DLD: variants seen among roughly 807,000 people sequenced by gnomAD.
DLD encodes the protein dihydrolipoamide dehydrogenase.
In DLD, 36 loss-of-function variants were observed where a neutral mutation model predicts 62.2. That is an observed-to-expected ratio of 0.58 (90% confidence interval 0.44 to 0.76). The LOEUF (loss-of-function observed/expected upper bound fraction) is 0.76, where lower values mean the gene tolerates loss of function less well. Among genes scored for constraint, DLD ranks in the 30% least tolerant of loss-of-function variants. DLD has a pLI of 0.00. For synonymous variants in DLD, 204 were observed against 199.6 expected, an observed-to-expected ratio of 1.02 and a Z score of -0.19; for missense variants, 541 against 608.6, an observed-to-expected ratio of 0.89 and a Z score of 1.17.
intron 2 of DLD, 173 bp downstream of exon 2, chr7:107,893,451 C>G (rs1020204583): frequency 4.2e-6 from 2 of 475,820 alleles, no homozygotes; most frequent in East Asian, 3.4e-5. Context: ...AGGCGGTGAA[C>G]AAGGTAAAAA....
intron 2 of DLD, among the ~76,000 whole-genome samples, chr7:107,899,541 C>T (rs1367088658): frequency 6.6e-6 from 1 of 151,746 alleles, no homozygotes; most frequent in Non-Finnish European, 1.5e-5. Context: ...TGTTACATAT[C>T]AGTGATTAAA....
intron 1 of DLD, among the ~76,000 whole-genome samples, chr7:107,891,962 G>A (rs1376055973): frequency 6.6e-6 from 1 of 152,192 alleles, no homozygotes; most frequent in Non-Finnish European, 1.5e-5. Context: ...CTATGTTAGT[G>A]GAGACCTTAA....
At chr7:107,918,422 A>G (rs928283741) in intron 12 of DLD, among the ~76,000 whole-genome samples, 3 of 152,132 alleles carry the variant, frequency 2.0e-5, no homozygotes, top group African/African-American at 7.2e-5. Flanking sequence ...CATTAATGCC[A>G]TGTCACATGG....
chr7:107,917,916 T>C lies in DLD; in HGVS notation c.1237-8T>C, dbSNP rs1381848232. ...GTTACGTAGATTCTTTTTTTCTGAC[T>C]GTCACAGGGTATTGAGTACAAAGTT... On this transcript the variant is annotated splice_polypyrimidine_tract_variant and splice_region_variant and intron_variant, in intron 11 of 13. Coordinates refer to ENST00000205402, the MANE Select transcript of DLD (RefSeq NM_000108.5). 6.2e-7 allele frequency: 1 copy of C among 1,613,896 alleles called. No individual in the cohort carries two copies. Among genetic ancestry groups the C allele is most frequent in the African/African-American group, 1.3e-5 (1 of 74,922 alleles).
intron 2 of DLD, among the ~76,000 whole-genome samples, chr7:107,894,393 A>T (rs531450382): frequency 2.0e-4 from 30 of 152,302 alleles, no homozygotes; most frequent in African/African-American, 6.5e-4. Context: ...ATCATTTTGG[A>T]TATTTTATTT....
rs138398782 is a variant in DLD at position 107,903,531 on chromosome 7, A to G, written c.321A>G (p.Ala107=). The G allele has an allele frequency of 4.5e-4, 716 of 1,593,414 alleles. No homozygotes were observed. Among genetic ancestry groups the G allele is most frequent in the Non-Finnish European group, 5.6e-4 (655 of 1,161,916 alleles). Reference sequence around the variant, plus strand: ...ATATGGCCCATGGAAAAGATTTTGCATCTAGAGGAATTGAAAGTAAGTATA... The same window carrying G: ...ATATGGCCCATGGAAAAGATTTTGCGTCTAGAGGAATTGAAAGTAAGTATA... ...YYHMAHGKDF[A]SRGIEMSEVR... Residue 107 remains alanine, a synonymous_variant, in exon 5 of 14, where the codon GCA becomes GCG. Coordinates refer to ENST00000205402, the MANE Select transcript of DLD (RefSeq NM_000108.5).
intron 2 of DLD, among the ~76,000 whole-genome samples, chr7:107,895,634 A>G (rs748524939): frequency 6.6e-6 from 1 of 152,246 alleles, no homozygotes; most frequent in African/African-American, 2.4e-5. Flanking sequence ...GCTTTTATAG[A>G]GCTTACAATT....
chr7:107,910,107 G>A (rs896597729), intron 8 of DLD, among the ~76,000 whole-genome samples: 2 of 151,854 alleles, frequency 1.3e-5, no homozygotes, highest in East Asian at 1.9e-4. Flanking sequence ...CGTCTGCCTC[G>A]GCCTCCCAAA....
chr7:107,905,252 G>A, intron 6 of DLD, 109 bp from the exon 7 acceptor site: 1 of 1,212,516 alleles, frequency 8.2e-7, no homozygotes, highest in Admixed American at 2.0e-5. Flanking sequence ...TACTAAGTAA[G>A]GAAGCATTTT....
At position 107,906,316 on chromosome 7, in the gene DLD, A is replaced by G. The variant is rs2032005786; in HGVS notation, c.632A>G (p.Lys211Arg). The G allele has an allele frequency of 6.2e-7, 1 of 1,611,202 alleles. No homozygotes were observed. Among genetic ancestry groups the G allele is most frequent in the Non-Finnish European group, 8.5e-7 (1 of 1,177,422 alleles). Residue 211 changes from lysine to arginine, a missense_variant, in exon 8 of 14, where the codon AAA becomes AGA. Coordinates refer to ENST00000205402, the MANE Select transcript of DLD (RefSeq NM_000108.5). Reference protein sequence around the residue: ...VSSTGALSLKKVPEKMVVIGA... With the variant: ...VSSTGALSLKRVPEKMVVIGA... ...TCTACAGGTGCTTTATCTTTAAAAA[A>G]AGTTCCAGAAAAGATGGTTGTTATT...
At chr7:107,891,408 C>A in intron 1 of DLD, 119 bp downstream of exon 1, 1 of 1,130,198 alleles carries the variant, frequency 8.8e-7, no homozygotes, top group Non-Finnish European at 1.3e-6. Flanking sequence ...GGCCGCACCA[C>A]CCCTGGCCCC....
rs1350820266 is a variant in DLD at position 107,919,582 on chromosome 7, A to T, written c.*323A>T. ...AATTTAAATAGCTTTTTTCTCTGAT[A>T]CAGAAAAGTTGAATTTTACATGGCT... On this transcript the variant is annotated 3_prime_UTR_variant, in exon 14 of 14. Transcript: ENST00000205402. 4.5e-6 allele frequency: 1 copy of T among 223,634 alleles called. No homozygotes were observed. The highest frequency in any genetic ancestry group is 8.8e-6 in the Non-Finnish European group (1 of 113,108). The allele number at this position is 223,634 out of a possible 1,614,324, so 13.9% of individuals were successfully genotyped here.
intron 8 of DLD, 57 bp from the exon 9 acceptor site, chr7:107,915,448 CG>C: frequency 6.5e-7 from 1 of 1,538,932 alleles, no homozygotes; most frequent in Non-Finnish European, 9.0e-7. Flanking sequence ...AAGATGATTT[CG>C]TAAACATTTG....
rs188021088 is a variant in DLD at position 107,920,314 on chromosome 7, A to G, written c.*1055A>G. ...AGTAACAAAGTACTAAATGCTAAGT[A>G]GGCTTTTGCATATTGTAACTAAATT... On this transcript the variant is annotated 3_prime_UTR_variant, in exon 14 of 14. Transcript: ENST00000205402. 23 of 152,478 alleles carry G rather than the reference A, an allele frequency of 1.5e-4. No homozygotes were observed. Among genetic ancestry groups the G allele is most frequent in the African/African-American group, 5.5e-4 (23 of 41,578 alleles). 9.4% of individuals were successfully genotyped at this position (152,478 alleles called of 1,614,324 possible).
intron 1 of DLD, among the ~76,000 whole-genome samples, chr7:107,892,053 C>T (rs2031592750): frequency 6.6e-6 from 1 of 152,148 alleles, no homozygotes; most frequent in South Asian, 2.1e-4. Flanking sequence ...TTCTGCAAGT[C>T]ATGCTTTTAG....
rs188011985 is a variant in DLD at position 107,901,113 on chromosome 7, C to G, written c.119-625C>G. On this transcript the variant is annotated intron_variant, in intron 2 of 13. Coordinates refer to ENST00000205402, the MANE Select transcript of DLD (RefSeq NM_000108.5). ...TGTAAAAATTATCAATATGCAAGTA[C>G]AAAACATATTTGTTAAATATTACAT... Among the ~76,000 whole-genome samples the G allele has an allele frequency of 3.3e-5, 5 of 152,170 alleles. No homozygotes were observed. The East Asian group carries it at 9.6e-4, about 29-fold the overall frequency.
At chr7:107,891,951 A>T (rs2031589848) in intron 1 of DLD, among the ~76,000 whole-genome samples, 1 of 152,224 alleles carries the variant, frequency 6.6e-6, no homozygotes, top group Non-Finnish European at 1.5e-5. Context: ...GTGGCTGGGT[A>T]CTATGTTAGT....
chr7:107,915,683 A>C lies in DLD; in HGVS notation c.862A>C (p.Lys288Gln), dbSNP rs1172076598. The C allele has an allele frequency of 6.2e-7, 1 of 1,613,636 alleles. No homozygotes were observed. Among genetic ancestry groups the C allele is most frequent in the East Asian group, 2.2e-5 (1 of 44,802 alleles). ...VTGATKKSDGKIDVSIEAASG... is the reference protein window; with the variant it reads ...VTGATKKSDGQIDVSIEAASG... Reference sequence around the variant, plus strand: ...TGGTGCTACCAAGAAGTCAGATGGAAAAATTGATGTTTCGTAAGTATACAT... The same window carrying C: ...TGGTGCTACCAAGAAGTCAGATGGACAAATTGATGTTTCGTAAGTATACAT... Residue 288 changes from lysine to glutamine, a missense_variant, in exon 9 of 14, where the codon AAA becomes CAA. By Grantham distance (53) the Lys-to-Gln change is moderately conservative. Transcript: ENST00000205402.
chr7:107,891,749 C>G (rs2031583934), intron 1 of DLD: 1 of 212,762 alleles, frequency 4.7e-6, no homozygotes, highest in Non-Finnish European at 9.6e-6. Flanking sequence ...TGGTTTAGAT[C>G]CAGTCAGCTC....
Sources: gnomAD v4.1 joint callset for allele counts (sites outside exome capture counted in the v4.1 genomes callset) on GRCh38, gnomAD v4.1.1 for gene constraint, MANE v1.5 for transcripts, NCBI Gene and HGNC (gene_info 2026-07-23, HGNC 2026-07-21) for gene names.